The following ZP2 variants were observed in gnomAD, a reference collection of about 807,000 sequenced individuals.
ZP2 encodes zona pellucida sperm-binding protein 2.
In ZP2, 51 loss-of-function variants were observed where a neutral mutation model predicts 84.0. The observed-to-expected ratio is 0.61, with a 90% CI of 0.49 to 0.77. The LOEUF (loss-of-function observed/expected upper bound fraction) is 0.77. Ranked by LOEUF, ZP2 falls within the 30% of genes least tolerant of loss-of-function variation. ZP2 has a pLI of 0.00. For synonymous variants in ZP2, 375 were observed against 330.9 expected (o/e 1.13, Z -1.45); for missense variants, 909 against 911.9 (o/e 1.00, Z 0.04).
chr16:21,210,045 G>A (rs577321199), intron 3 of ZP2, 64 bp downstream of exon 3: 12 of 1,458,012 alleles, frequency 8.2e-6, no homozygotes, highest in Admixed American at 3.4e-5. Flanking sequence ...CCCCAAACAG[G>A]ATTGACCTAA....
intron 9 of ZP2, 68 bp downstream of exon 9, chr16:21,203,962 G>A: frequency 1.9e-6 from 3 of 1,568,556 alleles, no homozygotes; most frequent in East Asian, 2.2e-5. Flanking sequence ...AGCCGTATGA[G>A]GACTACCCAC....
chr16:21,213,647 G>A (rs372159809), upstream of ZP2, among the ~76,000 whole-genome samples: 14 of 152,264 alleles, frequency 9.2e-5, no homozygotes, highest in African/African-American at 3.4e-4. Context: ...TACTTGGAGG[G>A]AGCGAGGCGA....
upstream of ZP2, among the ~76,000 whole-genome samples, chr16:21,212,999 A>T (rs1007291206): frequency 1.3e-5 from 2 of 152,238 alleles, no homozygotes; most frequent in African/African-American, 4.8e-5. Context: ...ACTTGCAATT[A>T]TTAGGCTGGT....
rs1349103934 is a variant in ZP2, at chr16:21,198,952, G to C, written c.1928-90C>G. ...GAATGCTTAGAAGTAGAAGCTCTCT[G>C]GAGTATTTTGTTCATGTGGTTTGTC... On this transcript the variant is annotated intron_variant, in intron 16 of 18. Transcript: ENST00000574091. The C allele has an allele frequency of 1.9e-5, 22 of 1,163,018 alleles. No homozygotes were observed. In the East Asian group the frequency reaches 5.5e-4, roughly 29 times the overall value. 72.0% of individuals were successfully genotyped at this position (1,163,018 alleles called of 1,614,324 possible).
intron 5 of ZP2, among the ~76,000 whole-genome samples, chr16:21,206,290 C>A (rs186183185): frequency 6.6e-6 from 1 of 152,294 alleles, no homozygotes; most frequent in Middle Eastern, 3.4e-3. Context: ...AGCCACCATG[C>A]CTGACCAGGA....
At chr16:21,198,635 G>A (rs1219494329) in intron 17 of ZP2, 144 bp downstream of exon 17, 3 of 646,654 alleles carry the variant, frequency 4.6e-6, no homozygotes, top group South Asian at 2.0e-5. Context: ...CTTAATAGAA[G>A]CCTACTTCTG....
intron 9 of ZP2, 35 bp from the exon 10 acceptor site, chr16:21,203,286 C>A: frequency 6.2e-7 from 1 of 1,608,880 alleles, no homozygotes; most frequent in Non-Finnish European, 8.5e-7. Context: ...CAGCCACAGT[C>A]CGTTGGGGCC....
At chr16:21,211,164 G>A (rs909584171) in intron 2 of ZP2, 143 bp downstream of exon 2, 6 of 722,914 alleles carry the variant, frequency 8.3e-6, no homozygotes, top group South Asian at 3.5e-5. Flanking sequence ...GTTAGCAGAA[G>A]AAAGATCCAG....
At chr16:21,205,821 T>C (rs778544662) in intron 5 of ZP2, 46 bp from the exon 6 acceptor site, 1 of 1,600,848 alleles carries the variant, frequency 6.2e-7, no homozygotes, top group Non-Finnish European at 8.6e-7. Flanking sequence ...TGGAGGTAGA[T>C]GTTTCCGAAT....
chr16:21,210,011 C>T (rs879605950), intron 3 of ZP2, 98 bp downstream of exon 3: 103 of 1,088,810 alleles, frequency 9.5e-5, no homozygotes, highest in Non-Finnish European at 1.4e-4. Flanking sequence ...GATGCCGTTG[C>T]TGCAGGAGTT....
At chr16:21,200,524 A>T (rs2093220305) in intron 14 of ZP2, among the ~76,000 whole-genome samples, 1 of 152,200 alleles carries the variant, frequency 6.6e-6, no homozygotes, top group Admixed American at 6.6e-5. Flanking sequence ...ACACTATTCC[A>T]TAAGAATGGG....
At chr16:21,208,859 G>C (rs1054230170) in intron 4 of ZP2, among the ~76,000 whole-genome samples, 6 of 152,114 alleles carry the variant, frequency 3.9e-5, no homozygotes, top group African/African-American at 1.4e-4. Flanking sequence ...TACCCCCATG[G>C]AGCAGGCACC....
At chr16:21,213,959 G>A (rs1467566126), upstream of ZP2, among the ~76,000 whole-genome samples, 3 of 151,892 alleles carry the variant, frequency 2.0e-5, no homozygotes, top group South Asian at 2.1e-4. Flanking sequence ...GGTGGTCAGA[G>A]AAGTGATGGG....
At position 21,211,433 on chromosome 16, in the gene ZP2, C is replaced by T. The variant is rs759102245; in HGVS notation, c.63-38G>A. 8.1e-6 allele frequency: 13 copies of T among 1,613,940 alleles called. No individual in the cohort carries two copies. In the African/African-American group the frequency reaches 1.3e-4, roughly 17 times the overall value. ...AGGGAGATAGTCAAGGAAGAATGGACTTTAACAAACAAAGCTACCATACCC... is the reference window on the plus strand; with the variant it reads ...AGGGAGATAGTCAAGGAAGAATGGATTTTAACAAACAAAGCTACCATACCC... On this transcript the variant is annotated intron_variant, in intron 1 of 18. Coordinates refer to ENST00000574091, the MANE Select transcript of ZP2 (RefSeq NM_001376232.1).
chr16:21,211,777 T>C, upstream of ZP2: 7 of 1,447,594 alleles, frequency 4.8e-6, no homozygotes, highest in Non-Finnish European at 6.4e-6. Context: ...CAGAGTTTGC[T>C]GAAATCAGCT....
At chr16:21,199,006 T>C in intron 16 of ZP2, 144 bp from the exon 17 acceptor site, 1 of 751,654 alleles carries the variant, frequency 1.3e-6, no homozygotes, top group Non-Finnish European at 2.3e-6. Context: ...TTATGCCCTT[T>C]ACTGTAGAAG....
chr16:21,210,824 C>T lies in ZP2; in HGVS notation c.151+483G>A, dbSNP rs530729112. ...TCCTGAGCTCAGGTGATCTGCCCGC[C>T]TTGGCTTCCCAAAGTTCTGGGATTA... On this transcript the variant is annotated intron_variant, in intron 2 of 18. Coordinates refer to ENST00000574091, the MANE Select transcript of ZP2 (RefSeq NM_001376232.1). Among the ~76,000 whole-genome samples the T allele has an allele frequency of 1.5e-4, 23 of 151,808 alleles. No individual in the cohort carries two copies. The South Asian group carries it at 4.8e-3, about 32-fold the overall frequency.
Position 21,200,113 on chromosome 16 carries a change from T to A in ZP2, c.1695-235A>T, listed in dbSNP as rs138027703. 2.6e-3 allele frequency among the ~76,000 whole-genome samples: 394 copies of A among 152,298 alleles called. 1 individual carries two copies. The highest frequency in any genetic ancestry group is 9.1e-3 in the African/African-American group (378 of 41,570). ...TAGCAGTACCTGTTTGCCAACTACA[T>A]GAGAAGTACAAATTATATCATTTCA... On this transcript the variant is annotated intron_variant, in intron 14 of 18. Coordinates refer to ENST00000574091, the MANE Select transcript of ZP2 (RefSeq NM_001376232.1).
intron 7 of ZP2, among the ~76,000 whole-genome samples, chr16:21,205,032 G>A (rs1284000918): frequency 6.6e-6 from 1 of 152,182 alleles, no homozygotes; most frequent in Non-Finnish European, 1.5e-5. Flanking sequence ...GCCCAGGCTG[G>A]AGTGCAGTGG....
Sources: gnomAD v4.1 joint callset for allele counts (sites outside exome capture counted in the v4.1 genomes callset) on GRCh38, gnomAD v4.1.1 for gene constraint, MANE v1.5 for transcripts, NCBI Gene and HGNC (gene_info 2026-07-23, HGNC 2026-07-21) for gene names.